The following DEAF1 variants were observed in gnomAD, a reference collection of about 807,000 sequenced individuals.
DEAF1 encodes DEAF1 transcription factor.
A neutral mutation model predicts 58.9 loss-of-function variants in DEAF1; 53 were observed. That is an observed-to-expected ratio of 0.90 (90% CI 0.72 to 1.13). The LOEUF is 1.13. Among genes scored for constraint, DEAF1 ranks in the 50% most tolerant of loss-of-function variants. DEAF1 has a pLI of 0.00. For missense variants in DEAF1, 685 were observed against 791.4 expected (o/e 0.87, Z 1.61); for synonymous variants, 385 against 340.4 (o/e 1.13, Z -1.44).
At chr11:656,907 T>A (rs1015939095) in intron 10 of DEAF1, among the ~76,000 whole-genome samples, 2 of 151,894 alleles carry the variant, frequency 1.3e-5, no homozygotes, top group Admixed American at 6.6e-5. Context: ...TCTAGGAAGG[T>A]TAGAAGGAGC....
intron 1 of DEAF1, chr11:700,742 C>G: frequency 6.5e-7 from 1 of 1,539,382 alleles, no homozygotes; most frequent in East Asian, 2.2e-5. Context: ...AGAACCTGTC[C>G]TAAGAGTTGC....
At chr11:700,556 A>T in intron 1 of DEAF1, 4 of 1,275,086 alleles carry the variant, frequency 3.1e-6, no homozygotes, top group South Asian at 1.2e-5. Context: ...AGGCAAGCTG[A>T]GGTGGCTGCT....
intron 9 of DEAF1, among the ~76,000 whole-genome samples, chr11:676,829 G>C (rs1479130896): frequency 6.6e-6 from 1 of 152,168 alleles, no homozygotes; most frequent in African/African-American, 2.4e-5. Context: ...GGAGAAGAAA[G>C]TTACAAAGGA....
At position 688,631 on chromosome 11, in the gene DEAF1, C is replaced by A. The variant is rs1860696491; in HGVS notation, c.388-171G>T. ...AAGATACCTCTCAAAGACTTGAAAACAGAGCCAAGAACAAGAACAGACAAT... is the reference window on the plus strand; with the variant it reads ...AAGATACCTCTCAAAGACTTGAAAAAAGAGCCAAGAACAAGAACAGACAAT... On this transcript the variant is annotated intron_variant, in intron 2 of 11. Transcript: ENST00000382409. The surrounding 1 kb of genome is among the most constrained non-coding windows in gnomAD (Gnocchi z 4.3). Among the ~76,000 whole-genome samples, 1 of 152,154 alleles carries A rather than the reference C, an allele frequency of 6.6e-6. No individual in the cohort carries two copies. The highest frequency in any genetic ancestry group is 1.5e-5 in the Non-Finnish European group (1 of 68,014).
At chr11:669,824 G>A (rs1859727813) in intron 10 of DEAF1, among the ~76,000 whole-genome samples, 1 of 150,626 alleles carries the variant, frequency 6.6e-6, no homozygotes, top group African/African-American at 2.4e-5. Flanking sequence ...CAGCTATTCG[G>A]GAGGCTGAGG....
At chr11:674,060 C>T in intron 10 of DEAF1, 1 of 262,842 alleles carries the variant, frequency 3.8e-6, no homozygotes, top group Non-Finnish European at 7.5e-6. Context: ...TGCACAGGAG[C>T]CGCCTTCTGA....
chr11:693,350 TAACC>T (rs1413089467), intron 1 of DEAF1: 2 of 151,892 alleles, frequency 1.3e-5, no homozygotes, highest in African/African-American at 2.4e-5. Context: ...TTTTTTTTCT[TAACC>T]AACCAAACAA....
At chr11:662,297 A>T (rs1210705057) in intron 10 of DEAF1, among the ~76,000 whole-genome samples, 4 of 152,206 alleles carry the variant, frequency 2.6e-5, no homozygotes, top group Non-Finnish European at 4.4e-5. Flanking sequence ...AACAAAAAAA[A>T]ATTATGAGAT....
intron 9 of DEAF1, among the ~76,000 whole-genome samples, chr11:677,815 T>C (rs1333889207): frequency 6.6e-6 from 1 of 150,998 alleles, no homozygotes; most frequent in East Asian, 2.0e-4. Flanking sequence ...AAAAAAAAAT[T>C]AGCTGGGCAT....
chr11:694,182 G>T (rs1010207334), intron 1 of DEAF1, among the ~76,000 whole-genome samples: 1 of 151,976 alleles, frequency 6.6e-6, no homozygotes, highest in Admixed American at 6.5e-5. Flanking sequence ...GAGCTGCACA[G>T]GGGGGACCAG....
chr11:694,866 G>C lies in DEAF1; in HGVS notation c.182C>G (p.Pro61Arg). ...DADSEAERET[P>R]RVTAVAVMAA... ...CATCACCGCCACTGCCGTGACCCGC[G>C]GCGTCTCCCGCTCCGCCTCCGAGTC... Residue 61 changes from proline (P) to arginine (R), a missense_variant, in exon 1 of 12, where the codon CCG (proline) becomes CGG (arginine). By Grantham distance (103) the Pro-to-Arg change is moderately radical. Coordinates refer to ENST00000382409, the MANE Select transcript of DEAF1 (RefSeq NM_021008.4). The C allele has an allele frequency of 1.3e-6, 2 of 1,500,856 alleles. No homozygotes were observed. Among genetic ancestry groups the C allele is most frequent in the Non-Finnish European group, 1.8e-6 (2 of 1,130,132 alleles). The allele number at this position is 1,500,856 out of a possible 1,614,324, so 93.0% of individuals were successfully genotyped here.
intron 5 of DEAF1, among the ~76,000 whole-genome samples, chr11:686,468 CT>C (rs1200380114): frequency 1.3e-5 from 2 of 152,150 alleles, no homozygotes; most frequent in East Asian, 3.8e-4. Flanking sequence ...TAGAAGTCCT[CT>C]TTTCTTAGTA....
At chr11:674,849 C>A in intron 9 of DEAF1, 66 bp from the exon 10 acceptor site, 1 of 1,597,036 alleles carries the variant, frequency 6.3e-7, no homozygotes, top group East Asian at 2.2e-5. Flanking sequence ...AAATGGCCTC[C>A]GTTAAAAATT....
chr11:684,982 C>T lies in DEAF1; in HGVS notation c.805-19G>A. 1 of 1,550,014 alleles carries T rather than the reference C, an allele frequency of 6.5e-7. No homozygotes were observed. The highest frequency in any genetic ancestry group is 8.7e-7 in the Non-Finnish European group (1 of 1,145,586). On this transcript the variant is annotated intron_variant, in intron 5 of 11. Transcript: ENST00000382409. ...TCCCATCCTGAGATGTGAAAAGAAC[C>T]ACCATGCATTAGCAAGTCAGCCCCT...
chr11:681,239 CT>C, intron 6 of DEAF1, 150 bp from the exon 7 acceptor site: 2 of 1,142,188 alleles, frequency 1.8e-6, no homozygotes, highest in Non-Finnish European at 2.5e-6. Context: ...GATCCCACCT[CT>C]TTTTCTTTTT....
At chr11:695,926 C>A (rs941223554), upstream of DEAF1, 558 of 1,090,900 alleles carry the variant, frequency 5.1e-4, no homozygotes, top group Non-Finnish European at 6.1e-4. Context: ...CCGGTTTCCG[C>A]TTTCGGTGCG....
chr11:649,087 C>T (rs1336928427), intron 11 of DEAF1, among the ~76,000 whole-genome samples: 3 of 152,004 alleles, frequency 2.0e-5, no homozygotes, highest in East Asian at 1.9e-4. Flanking sequence ...CCTCTCTCTA[C>T]GAAAAATACA....
intron 1 of DEAF1, chr11:704,206 G>T (rs1861623249): frequency 4.0e-6 from 4 of 1,001,662 alleles, no homozygotes; most frequent in Non-Finnish European, 5.1e-6. Flanking sequence ...CCACTTGCCA[G>T]CTGGTCAGTT....
upstream of DEAF1, chr11:695,918 G>T (rs1861123067): frequency 8.7e-7 from 1 of 1,146,950 alleles, no homozygotes; most frequent in Non-Finnish European, 1.1e-6. Flanking sequence ...GTGACAATCC[G>T]GTTTCCGCTT....
Sources: allele counts gnomAD v4.1 joint callset (sites outside exome capture counted in the v4.1 genomes callset), GRCh38; gene constraint gnomAD v4.1.1; non-coding constraint Gnocchi (gnomAD v3.1); transcripts MANE v1.5; gene names NCBI Gene and HGNC (gene_info 2026-07-23, HGNC 2026-07-21).